Variants in ADAM12 observed in about 807,000 individuals in gnomAD.
ADAM12 encodes disintegrin and metalloproteinase domain-containing protein 12.
ADAM12 carries 70 observed loss-of-function variants against 106.4 expected under a neutral mutation model. The ratio of observed to expected loss-of-function variants is 0.66; its 90% CI spans 0.54 to 0.80. The LOEUF (loss-of-function observed/expected upper bound fraction) is 0.80, where lower values mean the gene tolerates loss of function less well. ADAM12 is among the 30% of genes least tolerant of loss of function. The probability of loss-of-function intolerance (pLI) is 0.00; values close to 1 mark genes in which losing one functional copy is unlikely to be tolerated. For synonymous variants in ADAM12, 420 were observed against 433.5 expected (o/e 0.97, Z 0.39); for missense variants, 1,010 against 1,171.9 (o/e 0.86, Z 2.02).
intron 2 of ADAM12, among the ~76,000 whole-genome samples, chr10:126,303,703 T>G (rs1306197303): frequency 1.3e-5 from 2 of 152,290 alleles, no homozygotes; most frequent in East Asian, 3.9e-4. Context: ...AGAGCAGCTT[T>G]GAGACAGATT....
chr10:126,152,884 T>C (rs1397355963), intron 4 of ADAM12, among the ~76,000 whole-genome samples: 1 of 152,208 alleles, frequency 6.6e-6, no homozygotes, highest in African/African-American at 2.4e-5. Flanking sequence ...TCTATTATTC[T>C]CCAGTACAAT....
chr10:126,278,452 T>C (rs184994336), intron 3 of ADAM12, among the ~76,000 whole-genome samples: 109 of 152,284 alleles, frequency 7.2e-4, no homozygotes, highest in Non-Finnish European at 1.2e-3. Flanking sequence ...TTTTTAAAAA[T>C]AAGAAGATGA....
At chr10:126,341,736 T>C (rs1010060265) in intron 1 of ADAM12, among the ~76,000 whole-genome samples, 1 of 152,228 alleles carries the variant, frequency 6.6e-6, no homozygotes, top group Non-Finnish European at 1.5e-5. Flanking sequence ...TAAGGATCCA[T>C]GCCTGCTTCA....
intron 4 of ADAM12, among the ~76,000 whole-genome samples, chr10:126,139,554 A>G (rs1956471491): frequency 6.6e-6 from 1 of 152,174 alleles, no homozygotes; most frequent in Admixed American, 6.5e-5. Context: ...TCCTTCATAC[A>G]ACACTGAAGA....
intron 1 of ADAM12, among the ~76,000 whole-genome samples, chr10:126,377,231 G>A (rs1328183516): frequency 6.6e-6 from 1 of 152,160 alleles, no homozygotes; most frequent in East Asian, 1.9e-4. Context: ...CTATTAGTCA[G>A]GGTTCTCTAG....
chr10:126,098,958 A>G (rs1301912375), intron 9 of ADAM12, among the ~76,000 whole-genome samples: 1 of 152,242 alleles, frequency 6.6e-6, no homozygotes, highest in Non-Finnish European at 1.5e-5. Flanking sequence ...ATTCTTTCAA[A>G]TTGTCCCGCT....
Position 126,388,091 on chromosome 10 carries a change from C to A in ADAM12, c.55G>T (p.Ala19Ser), listed in dbSNP as rs866405386. The A allele has an allele frequency of 8.1e-7, 1 of 1,234,232 alleles. No homozygotes were observed. Among genetic ancestry groups the A allele is most frequent in the Non-Finnish European group, 1.0e-6 (1 of 988,096 alleles). 76.5% of individuals were successfully genotyped at this position (1,234,232 alleles called of 1,614,324 possible). Residue 19 changes from alanine (A) to serine (S), a missense_variant, in exon 1 of 23, where the codon GCC becomes TCC. Physicochemically the swap from Ala to Ser is moderately conservative, Grantham distance 99. This residue lies in a region of ADAM12 where 391 missense variants were observed against 442.9 expected (regional missense o/e 0.88). Coordinates refer to ENST00000448723, the MANE Select transcript of ADAM12 (RefSeq NM_001288973.2). This position sits in a 1 kb window ranked among gnomAD's most constrained non-coding sequence, Gnocchi z 4.4. Reference protein sequence around the residue: ...SPARALLLALAGALLAPCEAR... With the variant: ...SPARALLLALSGALLAPCEAR... ...TCGCAGGGCGCGAGCAGAGCACCGGCCAGGGCGAGCAGGAGGGCGCGGGCG... is the reference window on the plus strand; with the variant it reads ...TCGCAGGGCGCGAGCAGAGCACCGGACAGGGCGAGCAGGAGGGCGCGGGCG...
At chr10:126,247,860 A>C (rs996795822) in intron 3 of ADAM12, among the ~76,000 whole-genome samples, 1 of 152,214 alleles carries the variant, frequency 6.6e-6, no homozygotes, top group Non-Finnish European at 1.5e-5. Flanking sequence ...AAACGCCAAG[A>C]AATAAAAACA....
At chr10:126,026,955 C>T (rs1165185155) in intron 21 of ADAM12, among the ~76,000 whole-genome samples, 1 of 151,724 alleles carries the variant, frequency 6.6e-6, no homozygotes, top group East Asian at 1.9e-4. Context: ...ATGAAAAACT[C>T]TTCAACAAAT....
At chr10:126,189,679 C>T (rs1957462022) in intron 3 of ADAM12, among the ~76,000 whole-genome samples, 1 of 152,112 alleles carries the variant, frequency 6.6e-6, no homozygotes, top group African/African-American at 2.4e-5. Flanking sequence ...TCCTGGGCTA[C>T]AGAGCTGGCA....
At chr10:126,344,489 T>C (rs553267191) in intron 1 of ADAM12, among the ~76,000 whole-genome samples, 10 of 152,362 alleles carry the variant, frequency 6.6e-5, no homozygotes, top group African/African-American at 1.2e-4. Flanking sequence ...TGGCTTAGGA[T>C]TGACTTGGAA....
chr10:126,215,447 T>A (rs1288594705), intron 3 of ADAM12, among the ~76,000 whole-genome samples: 1 of 152,180 alleles, frequency 6.6e-6, no homozygotes, highest in African/African-American at 2.4e-5. Flanking sequence ...GAGGAATTTG[T>A]AGTTCAGCTC....
At chr10:126,035,939 T>G (rs754084130) in intron 21 of ADAM12, among the ~76,000 whole-genome samples, 21 of 147,678 alleles carry the variant, frequency 1.4e-4, no homozygotes, top group South Asian at 4.3e-4. Context: ...ACTAGTAAAT[T>G]AAAATATATG....
intron 3 of ADAM12, among the ~76,000 whole-genome samples, chr10:126,266,833 G>A (rs1460177662): frequency 5.3e-5 from 8 of 152,058 alleles, no homozygotes; most frequent in African/African-American, 7.2e-5. Flanking sequence ...TAAACAACCC[G>A]ATTTCACGAG....
intron 11 of ADAM12, among the ~76,000 whole-genome samples, chr10:126,072,181 C>T (rs1955010322): frequency 6.6e-6 from 1 of 152,118 alleles, no homozygotes; most frequent in Non-Finnish European, 1.5e-5. Context: ...CCCTATCTTC[C>T]CCCAGCACAG....
At chr10:126,328,035 C>T (rs868229057) in intron 2 of ADAM12, among the ~76,000 whole-genome samples, 10 of 152,354 alleles carry the variant, frequency 6.6e-5, no homozygotes, top group South Asian at 2.1e-4. Flanking sequence ...ATTGAAAAAA[C>T]TATCTTTCCT....
intron 1 of ADAM12, among the ~76,000 whole-genome samples, chr10:126,357,186 G>C (rs1855568796): frequency 6.6e-6 from 1 of 152,048 alleles, no homozygotes; most frequent in Non-Finnish European, 1.5e-5. Flanking sequence ...AAAACTTAAA[G>C]ACAAAAAATT....
chr10:126,371,084 C>T (rs892948417), intron 1 of ADAM12, among the ~76,000 whole-genome samples: 2 of 152,194 alleles, frequency 1.3e-5, no homozygotes, highest in African/African-American at 4.8e-5. Context: ...ATCTCAGCTG[C>T]GTCACCTTGT....
intron 11 of ADAM12, among the ~76,000 whole-genome samples, chr10:126,078,007 A>C (rs937486412): frequency 6.6e-6 from 1 of 152,174 alleles, no homozygotes; most frequent in Non-Finnish European, 1.5e-5. Context: ...AGATAAGGGA[A>C]ATTTGCCAGT....
Sources: gnomAD v4.1 joint callset for allele counts (sites outside exome capture counted in the v4.1 genomes callset) on GRCh38, gnomAD v4.1.1 for gene constraint, gnomAD v4.1.1 regional missense constraint, Gnocchi (gnomAD v3.1) non-coding constraint, MANE v1.5 for transcripts, NCBI Gene and HGNC (gene_info 2026-07-23, HGNC 2026-07-21) for gene names.